NFXL1: variants seen among roughly 807,000 people sequenced by gnomAD.
NFXL1 encodes the protein NF-X1-type zinc finger protein NFXL1.
NFXL1 carries 66 observed loss-of-function variants against 123.3 expected under a neutral mutation model. The observed-to-expected ratio is 0.54, with a 90% CI of 0.44 to 0.66. The LOEUF is 0.66. Ranked by LOEUF, NFXL1 falls within the 30% of genes least tolerant of loss-of-function variation. NFXL1 has a pLI of 0.00. For missense variants in NFXL1, 944 were observed against 1,125.6 expected (o/e 0.84, Z 2.31); for synonymous variants, 346 against 360.8 (o/e 0.96, Z 0.46).
rs1175497127 is a variant in NFXL1, at chr4:47,875,181, T to C, written c.2192A>G (p.Gln731Arg). Residue 731 changes from glutamine (Q) to arginine (R), a missense_variant, in exon 18 of 23, where the codon CAG becomes CGG. By Grantham distance (43) the Gln-to-Arg change is conservative. Coordinates refer to ENST00000507489, the MANE Select transcript of NFXL1 (RefSeq NM_001278624.2). ...ACAGTGACATTTTATTCTAAGCATC[T>C]GAACACAAGGTGGACATTCTCCAGG... Reference protein sequence around the residue: ...CHPGECPPCVQMLRIKCHCKI... With the variant: ...CHPGECPPCVRMLRIKCHCKI... The C allele has an allele frequency of 6.2e-7, 1 of 1,612,846 alleles. No individual in the cohort carries two copies. Among genetic ancestry groups the C allele is most frequent in the Admixed American group, 1.7e-5 (1 of 60,016 alleles).
chr4:47,873,604 T>C (rs967423543), intron 18 of NFXL1, among the ~76,000 whole-genome samples: 3 of 152,354 alleles, frequency 2.0e-5, no homozygotes, highest in Middle Eastern at 3.4e-3. Flanking sequence ...AAATATTCAG[T>C]AAACCATGCT....
intron 18 of NFXL1, among the ~76,000 whole-genome samples, chr4:47,872,070 T>C (rs1460788078): frequency 6.6e-6 from 1 of 152,174 alleles, no homozygotes; most frequent in Non-Finnish European, 1.5e-5. Flanking sequence ...TTTTTTTAAA[T>C]GAAGAAAACA....
In NFXL1 at chr4:47,894,240, A is replaced by G. The variant is rs777906568; in HGVS notation, c.1392T>C (p.Tyr464=). ...TCTTAACACACTTAGTTTCACACAG[A>G]TAAGGTTTATGACAAGGCATTCGTT... The part of the protein sequence containing the change: ...HTKRMPCHKP[Y]LCETKCVKMR... The change falls in exon 11 of 23, where the codon TAT becomes TAC. Residue 464 remains tyrosine (Y), a synonymous_variant. Transcript: ENST00000507489. 10 of 1,606,920 alleles carry G rather than the reference A, an allele frequency of 6.2e-6. No individual in the cohort carries two copies. In the South Asian group the frequency reaches 1.0e-4, roughly 16 times the overall value.
intron 3 of NFXL1, among the ~76,000 whole-genome samples, chr4:47,907,291 A>T (rs1478029087): frequency 6.6e-6 from 1 of 152,256 alleles, no homozygotes; most frequent in South Asian, 2.1e-4. Flanking sequence ...AGTAAATGAC[A>T]TGCATATGCC....
chr4:47,886,386 T>G (rs76101187), intron 12 of NFXL1, among the ~76,000 whole-genome samples: 4 of 152,086 alleles, frequency 2.6e-5, no homozygotes, highest in Non-Finnish European at 5.9e-5. Flanking sequence ...TTTTTTTTTT[T>G]GTAACAGGGT....
chr4:47,891,070 G>A (rs941612090), intron 11 of NFXL1, among the ~76,000 whole-genome samples: 2 of 150,788 alleles, frequency 1.3e-5, no homozygotes, highest in Non-Finnish European at 3.0e-5. Context: ...CAAATTCAAC[G>A]TATAGATTCA....
chr4:47,914,240 G>C, intron 1 of NFXL1, 35 bp from the exon 2 acceptor site: 1 of 1,396,832 alleles, frequency 7.2e-7, no homozygotes, highest in Non-Finnish European at 9.5e-7. Flanking sequence ...AGAGTGGAAG[G>C]AGGTGAGCGC....
intron 10 of NFXL1, 122 bp from the exon 11 acceptor site, chr4:47,894,424 A>G: frequency 3.5e-6 from 2 of 574,828 alleles, no homozygotes; most frequent in Non-Finnish European, 5.4e-6. Context: ...TTGTATAACA[A>G]ACTTTACCAA....
At chr4:47,858,118 T>A (rs1734513763) in intron 19 of NFXL1, among the ~76,000 whole-genome samples, 1 of 152,108 alleles carries the variant, frequency 6.6e-6, no homozygotes, top group African/African-American at 2.4e-5. Context: ...ACACCTCTAA[T>A]CCTGAAAACG....
intron 19 of NFXL1, among the ~76,000 whole-genome samples, chr4:47,858,133 C>G (rs1184886830): frequency 2.0e-5 from 3 of 152,116 alleles, no homozygotes; most frequent in African/African-American, 7.2e-5. Context: ...AAAACGTATT[C>G]AAACTCACCA....
At chr4:47,855,186 C>T (rs746480477) in intron 19 of NFXL1, 23 bp from the exon 20 acceptor site, 4 of 1,307,774 alleles carry the variant, frequency 3.1e-6, no homozygotes, top group Non-Finnish European at 4.4e-6. Context: ...CAAAATAAAG[C>T]AATTACATAC....
chr4:47,910,837 G>GT lies in NFXL1; in HGVS notation c.392dup (p.Tyr131Ter). ...GKILANTFIT[Y>*]TTQTDGDTRE... Reference sequence around the variant, plus strand: ...AAAGATCAGTACCTGTCTGAGTAGTGTATGTTATAAACGTATTTGCAAGTA... The same window carrying GT: ...AAAGATCAGTACCTGTCTGAGTAGTGTTATGTTATAAACGTATTTGCAAGTA... The change falls in exon 3 of 23, where the codon TAC (tyrosine) becomes TAAC (stop). Residue 131 changes from tyrosine to a stop codon, truncating the protein, a stop_gained and frameshift_variant. Coordinates refer to ENST00000507489, the MANE Select transcript of NFXL1 (RefSeq NM_001278624.2). LOFTEE classifies it high-confidence loss of function. The GT allele has an allele frequency of 6.3e-7, 1 of 1,585,590 alleles. No individual in the cohort carries two copies. Among genetic ancestry groups the GT allele is most frequent in the Non-Finnish European group, 8.6e-7 (1 of 1,169,030 alleles).
chr4:47,866,406 A>G (rs1368313255), intron 18 of NFXL1, among the ~76,000 whole-genome samples: 1 of 152,228 alleles, frequency 6.6e-6, no homozygotes, highest in Non-Finnish European at 1.5e-5. Flanking sequence ...AGTGGTCATC[A>G]ACTAGAAATC....
At position 47,885,600 on chromosome 4, in the gene NFXL1, A is replaced by C. The variant is rs1404904059; in HGVS notation, c.1722T>G (p.Ser574=). The change falls in exon 14 of 23, where the codon TCT becomes TCG. Residue 574 remains serine, a synonymous_variant. Coordinates refer to ENST00000507489, the MANE Select transcript of NFXL1 (RefSeq NM_001278624.2). ...SQEKHRCHFG[S]CPPCHQPCQK... is the part of the protein sequence containing the mutation. ...GGCAAGGTTGATGACATGGTGGACAAGAACCAAAGTGACAGCGATGTTTTT... is the reference window on the plus strand; with the variant it reads ...GGCAAGGTTGATGACATGGTGGACACGAACCAAAGTGACAGCGATGTTTTT... The C allele has an allele frequency of 6.2e-7, 1 of 1,613,950 alleles. No individual in the cohort carries two copies. The highest frequency in any genetic ancestry group is 1.7e-5 in the Admixed American group (1 of 60,032).
At chr4:47,880,158 G>A (rs1034758392) in intron 15 of NFXL1, among the ~76,000 whole-genome samples, 5 of 152,070 alleles carry the variant, frequency 3.3e-5, no homozygotes, top group Admixed American at 3.3e-4. Flanking sequence ...CACTTTAGGA[G>A]GCTGAGACAG....
Position 47,894,237 on chromosome 4 carries a change from C to T in NFXL1, c.1395G>A (p.Leu465=). The change falls in exon 11 of 23, where the codon CTG becomes CTA. Residue 465 remains leucine (L), a synonymous_variant. Coordinates refer to ENST00000507489, the MANE Select transcript of NFXL1 (RefSeq NM_001278624.2). ...GCATCTTAACACACTTAGTTTCACA[C>T]AGATAAGGTTTATGACAAGGCATTC... is the stretch of plus-strand genomic sequence containing the variant. ...TKRMPCHKPY[L]CETKCVKMRD... is the part of the protein sequence containing the mutation. The T allele has an allele frequency of 6.2e-7, 1 of 1,607,088 alleles. No individual in the cohort carries two copies. Among genetic ancestry groups the T allele is most frequent in the Non-Finnish European group, 8.5e-7 (1 of 1,176,032 alleles).
At chr4:47,865,927 G>C (rs1444870961) in intron 18 of NFXL1, among the ~76,000 whole-genome samples, 1 of 152,170 alleles carries the variant, frequency 6.6e-6, no homozygotes, top group African/African-American at 2.4e-5. Context: ...GAGGTGGGAA[G>C]ATCACCTGAG....
At chr4:47,849,953 T>C (rs888078267) in intron 22 of NFXL1, among the ~76,000 whole-genome samples, 2 of 38,326 alleles carry the variant, frequency 5.2e-5, no homozygotes, top group Admixed American at 4.2e-4. Context: ...GTATTATTTA[T>C]TTTTTTTTTT....
rs953958255 is a variant in NFXL1 at position 47,903,166 on chromosome 4, A to G, written c.647+27T>C. 2.0e-6 allele frequency: 3 copies of G among 1,520,762 alleles called. No homozygotes were observed. The Admixed American group carries it at 6.2e-5, about 31-fold the overall frequency. The allele number at this position is 1,520,762 out of a possible 1,614,324, so 94.2% of individuals were successfully genotyped here. A position where few individuals can be genotyped will look rare whatever the true frequency, so the allele number is the denominator to read the frequency against. On this transcript the variant is annotated intron_variant, in intron 5 of 22. Coordinates refer to ENST00000507489, the MANE Select transcript of NFXL1 (RefSeq NM_001278624.2). ...AAAACTCCATCTGAAAATAATAATA[A>G]TAATCCAACTAATTAGAAAAAGTTA...
Sources: gnomAD v4.1 joint callset for allele counts (sites outside exome capture counted in the v4.1 genomes callset) on GRCh38, gnomAD v4.1.1 for gene constraint, MANE v1.5 for transcripts, NCBI Gene and HGNC (gene_info 2026-07-23, HGNC 2026-07-21) for gene names.